Variants in ANKRD28 observed in about 807,000 individuals in gnomAD.
ANKRD28 encodes ankyrin repeat domain 28.
A neutral mutation model predicts 126.5 loss-of-function variants in ANKRD28; 44 were observed. That is an observed-to-expected ratio of 0.35 (90% confidence interval 0.27 to 0.45). The LOEUF (loss-of-function observed/expected upper bound fraction) is 0.45, where lower values mean the gene tolerates loss of function less well. Ranked by LOEUF, ANKRD28 falls within the 20% of genes least tolerant of loss-of-function variation. ANKRD28 has a pLI of 1.00. For missense variants in ANKRD28, 1,110 were observed against 1,316.6 expected (o/e 0.84, Z 2.43); for synonymous variants, 442 against 468.5 (o/e 0.94, Z 0.73).
chr3:15,678,394 A>G (rs1473385118), intron 23 of ANKRD28, 40 bp from the exon 24 acceptor site: 28 of 1,546,008 alleles, frequency 1.8e-5, no homozygotes, highest in Non-Finnish European at 2.4e-5. Context: ...CTAAATTTGA[A>G]TGTTATATAT....
In ANKRD28 at chr3:15,830,223, T is replaced by G. The variant is rs2061159461; in HGVS notation, c.27+29154A>C. Among the ~76,000 whole-genome samples, 1 of 152,160 alleles carries G rather than the reference T, an allele frequency of 6.6e-6. No homozygotes were observed. The highest frequency in any genetic ancestry group is 2.4e-5 in the African/African-American group (1 of 41,432). On this transcript the variant is annotated intron_variant, in intron 1 of 27. Transcript: ENST00000399451. This position sits in a 1 kb window ranked among gnomAD's most constrained non-coding sequence, Gnocchi z 4.5. ...CGAATGTCGAAGTAAAAAACGCATA[T>G]AACATTTTATTATTATGATAACAGT...
rs1031300942 is a variant in ANKRD28, at chr3:15,679,350, T to C, written c.2512A>G (p.Ile838Val). Reference sequence around the variant, plus strand: ...ACAATGCTGGCACCTAATGTATCAATTAACATCTCAGCAGCACCTTCGTTG... The same window carrying C: ...ACAATGCTGGCACCTAATGTATCAACTAACATCTCAGCAGCACCTTCGTTG... Reference protein sequence around the residue: ...NDNEGAAEMLIDTLGASIVNA... With the variant: ...NDNEGAAEMLVDTLGASIVNA... The change falls in exon 23 of 28, where the codon ATT becomes GTT. Residue 838 changes from isoleucine to valine, a missense_variant. Ile to Val is a conservative substitution (Grantham distance 29). Coordinates refer to ENST00000683139, the MANE Select transcript of ANKRD28 (RefSeq NM_001349278.2). 3 of 1,614,008 alleles carry C rather than the reference T, an allele frequency of 1.9e-6. No homozygotes were observed. The highest frequency in any genetic ancestry group is 2.5e-6 in the Non-Finnish European group (3 of 1,179,882).
chr3:15,780,313 T>C (rs541745506), intron 2 of ANKRD28, among the ~76,000 whole-genome samples: 7 of 152,164 alleles, frequency 4.6e-5, no homozygotes, highest in African/African-American at 1.4e-4. Context: ...ATCCCATTTA[T>C]AATAGCAACA....
At chr3:15,707,602 A>G (rs1212729217) in intron 14 of ANKRD28, among the ~76,000 whole-genome samples, 1 of 152,230 alleles carries the variant, frequency 6.6e-6, no homozygotes, top group African/African-American at 2.4e-5. Context: ...CCCATGATAT[A>G]GTCACGGCTG....
intron 8 of ANKRD28, among the ~76,000 whole-genome samples, chr3:15,719,893 CAG>C (rs1323393606): frequency 2.0e-5 from 3 of 151,934 alleles, no homozygotes; most frequent in Non-Finnish European, 2.9e-5. Context: ...TTTTTTGAGA[CAG>C]GGTCTCACTC....
intron 6 of ANKRD28, among the ~76,000 whole-genome samples, chr3:15,725,063 T>C (rs2074054003): frequency 6.6e-6 from 1 of 152,166 alleles, no homozygotes; most frequent in Non-Finnish European, 1.5e-5. Flanking sequence ...AAAAGAATGT[T>C]GGCCCTCTGT....
intron 3 of ANKRD28, among the ~76,000 whole-genome samples, chr3:15,757,520 A>G (rs2058227521): frequency 1.3e-5 from 2 of 152,294 alleles, no homozygotes; most frequent in Non-Finnish European, 2.9e-5. Flanking sequence ...TCCCAACCCC[A>G]ATGTCATGGT....
Position 15,823,105 on chromosome 3 carries a change from G to A in ANKRD28, c.28-27799C>T, listed in dbSNP as rs549952376. 6.6e-5 allele frequency among the ~76,000 whole-genome samples: 10 copies of A among 152,342 alleles called. No individual in the cohort carries two copies. The South Asian group carries it at 1.4e-3, about 22-fold the overall frequency. On this transcript the variant is annotated intron_variant, in intron 1 of 27. Transcript: ENST00000399451. ...TTGTTTTGCACCAGGGACTGGTGTT[G>A]TGAAAGACAATTTTTCCATGGAGCG...
intron 3 of ANKRD28, among the ~76,000 whole-genome samples, chr3:15,761,163 CAT>C (rs1260441192): frequency 6.6e-6 from 1 of 152,042 alleles, no homozygotes. Context: ...CTTATGAAAA[CAT>C]ATGACTTTAA....
In ANKRD28 at chr3:15,711,284, T is replaced by C. The variant is rs1419987297; in HGVS notation, c.1274-10A>G. Reference sequence around the variant, plus strand: ...GTATCTATATCAAATCCTACAAGAATGAATACATCTTATTTATAACAGACA... The same window carrying C: ...GTATCTATATCAAATCCTACAAGAACGAATACATCTTATTTATAACAGACA... On this transcript the variant is annotated splice_polypyrimidine_tract_variant and intron_variant, in intron 11 of 27. Coordinates refer to ENST00000683139, the MANE Select transcript of ANKRD28 (RefSeq NM_001349278.2). 6 of 1,598,108 alleles carry C rather than the reference T, an allele frequency of 3.8e-6. No individual in the cohort carries two copies. The highest frequency in any genetic ancestry group is 5.1e-6 in the Non-Finnish European group (6 of 1,167,530).
chr3:15,781,821 C>T lies in ANKRD28; in HGVS notation c.201+13402G>A, dbSNP rs189709729. 3.9e-5 allele frequency among the ~76,000 whole-genome samples: 6 copies of T among 152,046 alleles called. No homozygotes were observed. The South Asian group carries it at 6.2e-4, about 16-fold the overall frequency. ...TGTGAGTTTAGGAGACAGTCTGCAG[C>T]GAACAAAGGGGCTGGAATTCTCAGG... On this transcript the variant is annotated intron_variant, in intron 2 of 27. Coordinates refer to ENST00000683139, the MANE Select transcript of ANKRD28 (RefSeq NM_001349278.2).
At chr3:15,771,057 T>G (rs2058976480) in intron 2 of ANKRD28, among the ~76,000 whole-genome samples, 1 of 152,026 alleles carries the variant, frequency 6.6e-6, no homozygotes, top group South Asian at 2.1e-4. Flanking sequence ...TATCTGAGGG[T>G]GGGTTATTTA....
In ANKRD28 at chr3:15,735,436, C is replaced by T. The variant is rs549716382; in HGVS notation, c.614G>A (p.Arg205His). The T allele has an allele frequency of 1.7e-5, 27 of 1,559,654 alleles. No individual in the cohort carries two copies. Among genetic ancestry groups the T allele is most frequent in the South Asian group, 2.4e-5 (2 of 84,498 alleles). Residue 205 changes from arginine to histidine, a missense_variant, in exon 6 of 28, where the codon CGT (arginine) becomes CAT (histidine). By Grantham distance (29) the Arg-to-His change is conservative (BLOSUM62 0). Transcript: ENST00000683139. ...CATATATGCTGCCCAATGGATAGCA[C>T]GCCTATCTTTCTTGTCAAAAGCATT... Reference protein sequence around the residue: ...NINAFDKKDRRAIHWAAYMGH... With the variant: ...NINAFDKKDRHAIHWAAYMGH...
chr3:15,708,596 A>G (rs1383103682), intron 13 of ANKRD28, among the ~76,000 whole-genome samples: 1 of 152,208 alleles, frequency 6.6e-6, no homozygotes, highest in Non-Finnish European at 1.5e-5. Context: ...GAATGCCTGA[A>G]GTACTAAAAA....
At chr3:15,711,778 C>T (rs1040499497) in intron 11 of ANKRD28, among the ~76,000 whole-genome samples, 3 of 152,050 alleles carry the variant, frequency 2.0e-5, no homozygotes, top group Non-Finnish European at 4.4e-5. Flanking sequence ...CCTCTGCCTC[C>T]TGGGTTCAAG....
At chr3:15,696,074 TG>T in intron 15 of ANKRD28, 59 bp downstream of exon 15, 1 of 1,140,832 alleles carries the variant, frequency 8.8e-7, no homozygotes, top group Non-Finnish European at 1.3e-6. Context: ...TTCTCATTTT[TG>T]TTACATTATT....
intron 26 of ANKRD28, 147 bp downstream of exon 26, chr3:15,676,827 G>T: frequency 1.8e-6 from 1 of 552,154 alleles, no homozygotes; most frequent in Non-Finnish European, 3.1e-6. Context: ...GATCATTTTA[G>T]AAATGAGTTT....
chr3:15,725,980 T>C (rs1268676721), intron 6 of ANKRD28, among the ~76,000 whole-genome samples: 1 of 152,030 alleles, frequency 6.6e-6, no homozygotes, highest in East Asian at 1.9e-4. Context: ...GAAGTGGAGG[T>C]TGCAGTGAGC....
intron 2 of ANKRD28, among the ~76,000 whole-genome samples, chr3:15,786,891 C>A (rs1238135499): frequency 6.6e-6 from 1 of 151,876 alleles, no homozygotes; most frequent in Non-Finnish European, 1.5e-5. Flanking sequence ...AATACTGAAC[C>A]TAGAGGAAAG....
Sources: gnomAD v4.1 joint callset for allele counts (sites outside exome capture counted in the v4.1 genomes callset) on GRCh38, gnomAD v4.1.1 for gene constraint, Gnocchi (gnomAD v3.1) non-coding constraint, MANE v1.5 for transcripts, NCBI Gene and HGNC (gene_info 2026-07-23, HGNC 2026-07-21) for gene names.